PCDH15: variants seen among roughly 807,000 people sequenced by gnomAD.
PCDH15 encodes protocadherin related 15.
In PCDH15, 129 loss-of-function variants were observed where a neutral mutation model predicts 178.5. The observed-to-expected ratio is 0.72, with a 90% CI of 0.63 to 0.84. PCDH15 has a LOEUF of 0.84. PCDH15 is among the 40% of genes least tolerant of loss of function. The probability of loss-of-function intolerance (pLI) is 0.00; values close to 1 mark genes in which losing one functional copy is unlikely to be tolerated. For missense variants in PCDH15, 2,230 were observed against 2,099.9 expected (o/e 1.06, Z -1.21); for synonymous variants, 800 against 732.0 (o/e 1.09, Z -1.50).
At chr10:54,601,449 A>G (rs930276856) in intron 2 of PCDH15, among the ~76,000 whole-genome samples, 1 of 152,232 alleles carries the variant, frequency 6.6e-6, no homozygotes, top group East Asian at 1.9e-4. Flanking sequence ...AAAGCTCAAC[A>G]TCACTGATCA....
At chr10:54,378,323 T>C (rs1386610402) in intron 4 of PCDH15, among the ~76,000 whole-genome samples, 1 of 152,150 alleles carries the variant, frequency 6.6e-6, no homozygotes, top group Non-Finnish European at 1.5e-5. Context: ...TTTTTTTCTT[T>C]TTTGCAACTA....
intron 2 of PCDH15, among the ~76,000 whole-genome samples, chr10:54,580,981 C>T (rs541235399): frequency 2.6e-5 from 4 of 152,050 alleles, no homozygotes; most frequent in Non-Finnish European, 5.9e-5. Flanking sequence ...TATGACAAAC[C>T]TATAGCCAAC....
At chr10:55,227,929 C>A (rs563729537) in intron 1 of PCDH15, among the ~76,000 whole-genome samples, 6 of 151,848 alleles carry the variant, frequency 4.0e-5, no homozygotes, top group African/African-American at 1.2e-4. Context: ...ATTTGACAGC[C>A]CCCCCATCCC....
At chr10:54,144,361 GA>G (rs1363716637) in intron 14 of PCDH15, among the ~76,000 whole-genome samples, 2 of 152,050 alleles carry the variant, frequency 1.3e-5, no homozygotes, top group East Asian at 3.9e-4. Flanking sequence ...AAACTTTTGT[GA>G]ATTGTTTTCT....
At chr10:54,528,902 A>G (rs574292139) in intron 2 of PCDH15, among the ~76,000 whole-genome samples, 2 of 152,102 alleles carry the variant, frequency 1.3e-5, no homozygotes, top group East Asian at 1.9e-4. Context: ...TGCCTGCAGG[A>G]TGTCAAATGT....
chr10:53,860,724 C>CAAAAA (rs11345773), intron 27 of PCDH15, among the ~76,000 whole-genome samples: 3 of 78,082 alleles, frequency 3.8e-5, no homozygotes, highest in Admixed American at 1.4e-4. Context: ...GACTCTGTCT[C>CAAAAA]AAAAAAAAAA....
chr10:54,152,336 C>T (rs1023193947), intron 14 of PCDH15, among the ~76,000 whole-genome samples: 8 of 151,800 alleles, frequency 5.3e-5, no homozygotes, highest in African/African-American at 1.7e-4. Flanking sequence ...GAGGATAAAT[C>T]GAAAAGTTTA....
At chr10:55,435,697 G>A (rs1182314725) in intron 2 of PCDH15, among the ~76,000 whole-genome samples, 5 of 151,852 alleles carry the variant, frequency 3.3e-5, no homozygotes, top group Admixed American at 3.3e-4. Flanking sequence ...ATGAGACAGG[G>A]AGAAACAGAG....
intron 2 of PCDH15, among the ~76,000 whole-genome samples, chr10:55,385,128 T>C (rs534273113): frequency 1.3e-5 from 2 of 152,248 alleles, no homozygotes; most frequent in African/African-American, 4.8e-5. Context: ...TACATGACAG[T>C]AAATGATTCC....
chr10:54,286,617 G>C (rs1474831796), intron 8 of PCDH15, among the ~76,000 whole-genome samples: 2 of 151,940 alleles, frequency 1.3e-5, no homozygotes, highest in African/African-American at 2.4e-5. Flanking sequence ...TGAAAAACAT[G>C]ACTCTTCCTG....
intron 2 of PCDH15, among the ~76,000 whole-genome samples, chr10:55,450,959 A>G (rs1839422273): frequency 1.6e-5 from 1 of 61,754 alleles, no homozygotes; most frequent in African/African-American, 5.2e-5. Context: ...TAAGAACTAT[A>G]TATATATATA....
intron 2 of PCDH15, among the ~76,000 whole-genome samples, chr10:55,622,187 A>AT (rs1385914393): frequency 7.1e-6 from 1 of 141,036 alleles, no homozygotes; most frequent in Non-Finnish European, 1.5e-5. Context: ...ATATATATAC[A>AT]TTTTATGTAG....
intron 1 of PCDH15, among the ~76,000 whole-genome samples, chr10:54,664,501 C>A (rs2094540162): frequency 6.6e-6 from 1 of 151,980 alleles, no homozygotes; most frequent in Non-Finnish European, 1.5e-5. Flanking sequence ...GGAAAGACAT[C>A]TTTTCTGTTA....
intron 28 of PCDH15, among the ~76,000 whole-genome samples, chr10:53,842,107 ATAT>A (rs943965948): frequency 5.3e-5 from 8 of 152,190 alleles, no homozygotes; most frequent in Admixed American, 5.2e-4. Context: ...GAGTCAAACC[ATAT>A]TATACTCTTG....
intron 3 of PCDH15, among the ~76,000 whole-genome samples, chr10:54,511,573 C>T (rs1373271127): frequency 2.0e-5 from 3 of 152,082 alleles, no homozygotes; most frequent in Admixed American, 6.6e-5. Context: ...CAACTGATGT[C>T]TTCAGTTTAT....
intron 2 of PCDH15, among the ~76,000 whole-genome samples, chr10:54,951,064 T>A (rs1402301728): frequency 6.6e-6 from 1 of 151,970 alleles, no homozygotes; most frequent in African/African-American, 2.4e-5. Flanking sequence ...GAGCCAATAT[T>A]GACTTATTAA....
At chr10:54,475,693 G>T (rs1447662034) in intron 3 of PCDH15, among the ~76,000 whole-genome samples, 1 of 151,660 alleles carries the variant, frequency 6.6e-6, no homozygotes, top group Admixed American at 6.6e-5. Context: ...TTTTTGCATT[G>T]CCTCTGAGGG....
chr10:54,880,602 A>C (rs944093146), intron 3 of PCDH15, among the ~76,000 whole-genome samples: 3 of 151,846 alleles, frequency 2.0e-5, no homozygotes, highest in Non-Finnish European at 4.4e-5. Flanking sequence ...AATTTTCACT[A>C]AGGTTAAAAA....
intron 1 of PCDH15, among the ~76,000 whole-genome samples, chr10:54,704,217 G>A (rs1457548837): frequency 6.6e-6 from 1 of 152,010 alleles, no homozygotes; most frequent in Non-Finnish European, 1.5e-5. Context: ...GATGCCAAAA[G>A]CAATTGCAAC....
Sources: gnomAD v4.1 joint callset for allele counts (sites outside exome capture counted in the v4.1 genomes callset) on GRCh38, gnomAD v4.1.1 for gene constraint, MANE v1.5 for transcripts, NCBI Gene and HGNC (gene_info 2026-07-23, HGNC 2026-07-21) for gene names.